Variants in DENND6A observed in about 807,000 individuals in gnomAD.
DENND6A encodes the protein DENN domain containing 6A.
In DENND6A, 43 loss-of-function variants were observed where a neutral mutation model predicts 95.5. The ratio of observed to expected loss-of-function variants is 0.45; its 90% CI spans 0.35 to 0.58. The LOEUF (loss-of-function observed/expected upper bound fraction) is 0.58, where lower values mean the gene tolerates loss of function less well. DENND6A is among the 20% of genes least tolerant of loss of function. DENND6A has a pLI of 0.00. For synonymous variants in DENND6A, 257 were observed against 260.4 expected, an observed-to-expected ratio of 0.99 and a Z score of 0.13; for missense variants, 574 against 736.0, an observed-to-expected ratio of 0.78 and a Z score of 2.55.
intron 18 of DENND6A, among the ~76,000 whole-genome samples, chr3:57,630,115 A>T (rs1234734395): frequency 1.3e-5 from 2 of 152,198 alleles, no homozygotes; most frequent in African/African-American, 4.8e-5. Flanking sequence ...AGTGGACTCC[A>T]GCACACTGTT....
At position 57,659,273 on chromosome 3, in the gene DENND6A, C is replaced by A; in HGVS notation, c.700-93G>T. On this transcript the variant is annotated intron_variant, in intron 7 of 19. Coordinates refer to ENST00000311128, the MANE Select transcript of DENND6A (RefSeq NM_152678.3). Reference sequence around the variant, plus strand: ...TGCTAAAAAGGTATGGTCAGTAATGCCAAAAAAGCTACAAAAACAAAATTA... The same window carrying A: ...TGCTAAAAAGGTATGGTCAGTAATGACAAAAAAGCTACAAAAACAAAATTA... 3.7e-6 allele frequency: 5 copies of A among 1,348,204 alleles called. No individual in the cohort carries two copies. In the South Asian group the frequency reaches 4.9e-5, roughly 13 times the overall value. The allele number at this position is 1,348,204 out of a possible 1,614,324, so 83.5% of individuals were successfully genotyped here.
intron 11 of DENND6A, among the ~76,000 whole-genome samples, chr3:57,645,364 G>A (rs1198603086): frequency 6.6e-6 from 1 of 152,138 alleles, no homozygotes; most frequent in Admixed American, 6.5e-5. Flanking sequence ...AGGAGGCTGA[G>A]GCAGGAGACT....
Position 57,692,921 on chromosome 3 carries a change from A to T in DENND6A, c.98T>A (p.Val33Glu). Residue 33 changes from valine (V) to glutamate (E), a missense_variant, in exon 1 of 20, where the codon GTG (valine) becomes GAG (glutamate). Physicochemically the swap from Val to Glu is moderately radical, Grantham distance 121. Coordinates refer to ENST00000311128, the MANE Select transcript of DENND6A (RefSeq NM_152678.3). ...GTCCTCTGGCGCGCCTCCCGCCGCC[A>T]CAAGGGCCGGCGCCTCGCGGCCCTC... The part of the protein sequence containing the change: ...GAEGREAPAL[V>E]AAGGAPEDDE... The T allele has an allele frequency of 6.4e-7, 1 of 1,568,038 alleles. No homozygotes were observed. Among genetic ancestry groups the T allele is most frequent in the South Asian group, 1.2e-5 (1 of 85,444 alleles).
At chr3:57,671,956 A>G (rs1230803021) in intron 3 of DENND6A, among the ~76,000 whole-genome samples, 1 of 152,178 alleles carries the variant, frequency 6.6e-6, no homozygotes, top group Non-Finnish European at 1.5e-5. Flanking sequence ...TACTATATAA[A>G]CTATTTAATA....
intron 4 of DENND6A, among the ~76,000 whole-genome samples, chr3:57,664,023 T>C (rs1221812152): frequency 8.0e-6 from 1 of 125,304 alleles, no homozygotes; most frequent in Non-Finnish European, 1.8e-5. Flanking sequence ...ACAATCTAAG[T>C]ACTAAAGTCA....
At chr3:57,637,140 C>T (rs2070812701) in intron 12 of DENND6A, among the ~76,000 whole-genome samples, 1 of 152,092 alleles carries the variant, frequency 6.6e-6, no homozygotes, top group African/African-American at 2.4e-5. Flanking sequence ...TTAATCTTCA[C>T]AATAAGAGTT....
intron 9 of DENND6A, among the ~76,000 whole-genome samples, chr3:57,649,407 A>T (rs2071146972): frequency 6.6e-6 from 1 of 152,042 alleles, no homozygotes; most frequent in Non-Finnish European, 1.5e-5. Flanking sequence ...CTGTTGGTAG[A>T]AATGTAAACT....
intron 12 of DENND6A, among the ~76,000 whole-genome samples, chr3:57,638,736 T>C (rs188296628): frequency 1.3e-5 from 2 of 152,118 alleles, no homozygotes; most frequent in African/African-American, 4.8e-5. Flanking sequence ...TCACCGATCA[T>C]GAGGGAAATG....
intron 12 of DENND6A, among the ~76,000 whole-genome samples, chr3:57,640,601 T>G (rs1324827174): frequency 6.6e-6 from 1 of 152,164 alleles, no homozygotes; most frequent in Non-Finnish European, 1.5e-5. Flanking sequence ...TGTAGTACAT[T>G]ATAAAGTTAT....
At chr3:57,659,016 G>C in intron 8 of DENND6A, 102 bp downstream of exon 8, 1 of 1,071,180 alleles carries the variant, frequency 9.3e-7, no homozygotes, top group South Asian at 1.5e-5. Flanking sequence ...GTAATATTCA[G>C]AAATATGTAA....
At chr3:57,646,701 A>G (rs1021338248) in intron 9 of DENND6A, among the ~76,000 whole-genome samples, 2 of 152,256 alleles carry the variant, frequency 1.3e-5, no homozygotes, top group African/African-American at 4.8e-5. Context: ...ATAACTGACA[A>G]TAAAAGCATA....
chr3:57,648,463 G>A (rs1484639003), intron 9 of DENND6A, among the ~76,000 whole-genome samples: 4 of 151,902 alleles, frequency 2.6e-5, no homozygotes, highest in Non-Finnish European at 5.9e-5. Context: ...TCCCATCAAT[G>A]CCCTCCTTAC....
chr3:57,681,289 C>T (rs2077161605), intron 1 of DENND6A, among the ~76,000 whole-genome samples: 1 of 152,008 alleles, frequency 6.6e-6, no homozygotes, highest in South Asian at 2.1e-4. Context: ...CACAGTGAAA[C>T]CCCGTCTCTA....
At chr3:57,657,393 A>G (rs1165205107) in intron 9 of DENND6A, among the ~76,000 whole-genome samples, 2 of 152,210 alleles carry the variant, frequency 1.3e-5, no homozygotes, top group Non-Finnish European at 2.9e-5. Context: ...AATAAAATGC[A>G]TCTCTTTTTT....
intron 11 of DENND6A, among the ~76,000 whole-genome samples, chr3:57,644,600 G>C (rs1333722633): frequency 6.8e-6 from 1 of 148,086 alleles, no homozygotes; most frequent in Non-Finnish European, 1.5e-5. Context: ...GGGCCATCAC[G>C]ACTGGCTGGT....
chr3:57,693,021 G>A lies in DENND6A; in HGVS notation c.-3C>T, dbSNP rs767186142. 3 of 1,456,922 alleles carry A rather than the reference G, an allele frequency of 2.1e-6. No individual in the cohort carries two copies. The highest frequency in any genetic ancestry group is 2.9e-5 in the East Asian group (1 of 34,972). 90.2% of individuals were successfully genotyped at this position (1,456,922 alleles called of 1,614,324 possible). ...CCCGCAGGGCCCCTCAAAGCCATCG[G>A]CCGCCCCCTGACCGTTCGCGCCGCC... is the stretch of plus-strand genomic sequence containing the variant. On this transcript the variant is annotated 5_prime_UTR_variant, in exon 1 of 20. Transcript: ENST00000311128.
intron 1 of DENND6A, among the ~76,000 whole-genome samples, chr3:57,674,167 G>A (rs926804025): frequency 6.6e-6 from 1 of 152,008 alleles, no homozygotes; most frequent in Non-Finnish European, 1.5e-5. Context: ...AGGATCACGA[G>A]GGCAGGAGAT....
chr3:57,641,937 G>T (rs1000613066), intron 11 of DENND6A, among the ~76,000 whole-genome samples, 190 bp from the exon 12 acceptor site: 1 of 151,976 alleles, frequency 6.6e-6, no homozygotes, highest in African/African-American at 2.4e-5. Context: ...GAAAGGACAC[G>T]GTCCTTCCAG....
intron 1 of DENND6A, among the ~76,000 whole-genome samples, chr3:57,681,871 T>C (rs1292308899): frequency 6.6e-6 from 1 of 152,142 alleles, no homozygotes; most frequent in Non-Finnish European, 1.5e-5. Context: ...GGTATGTGGT[T>C]TCTTTTTGGG....
Sources: gnomAD v4.1 joint callset for allele counts (sites outside exome capture counted in the v4.1 genomes callset) on GRCh38, gnomAD v4.1.1 for gene constraint, MANE v1.5 for transcripts, NCBI Gene and HGNC (gene_info 2026-07-23, HGNC 2026-07-21) for gene names.